Variants in ANXA7 observed in about 807,000 individuals in gnomAD.
ANXA7 encodes the protein annexin VII.
Under a neutral mutation model 64.9 loss-of-function variants are expected in ANXA7, and 55 were observed. That is an observed-to-expected ratio of 0.85 (90% confidence interval 0.68 to 1.06). The LOEUF is 1.06. Ranked by LOEUF, ANXA7 falls within the 50% of genes least tolerant of loss-of-function variation. The pLI is 0.00. For synonymous variants in ANXA7, 200 were observed against 192.4 expected, an observed-to-expected ratio of 1.04 and a Z score of -0.33; for missense variants, 548 against 582.1, an observed-to-expected ratio of 0.94 and a Z score of 0.60.
chr10:73,407,657 A>C (rs2055779483), intron 1 of ANXA7, among the ~76,000 whole-genome samples: 1 of 152,236 alleles, frequency 6.6e-6, no homozygotes, highest in Non-Finnish European at 1.5e-5. Flanking sequence ...AACCCAACTC[A>C]AGTCAACATT....
At position 73,397,267 on chromosome 10, in the gene ANXA7, T is replaced by G; in HGVS notation, c.267A>C (p.Pro89=). ...CTGGTGGGACTCCAAATCCTTGGCC[T>G]GGAGGAACTAGAGAAAAGAACATGT... ...GGAPSYPGVP[P]GQGFGVPPGG... The change falls in exon 4 of 13, where the codon CCA becomes CCC. Residue 89 remains proline, a synonymous_variant. Coordinates refer to ENST00000372921, the MANE Select transcript of ANXA7 (RefSeq NM_001156.5). 1 of 1,608,702 alleles carries G rather than the reference T, an allele frequency of 6.2e-7. No individual in the cohort carries two copies. The highest frequency in any genetic ancestry group is 8.5e-7 in the Non-Finnish European group (1 of 1,176,112).
In ANXA7 at chr10:73,397,191, C is replaced by G. The variant is rs1179542011; in HGVS notation, c.343G>C (p.Gly115Arg). Residue 115 changes from glycine to arginine, a missense_variant, in exon 4 of 13, where the codon GGT (glycine) becomes CGT (arginine). Transcript: ENST00000372921. ...GGTAGTGGAACCTGTGCTGGACCAC[C>G]TCCATAAGACTGTGAAGGTGGCTGT... Reference protein sequence around the residue: ...YPQPPSQSYGGGPAQVPLPGG... With the variant: ...YPQPPSQSYGRGPAQVPLPGG... 3.1e-6 allele frequency: 5 copies of G among 1,608,632 alleles called. No individual in the cohort carries two copies. The highest frequency in any genetic ancestry group is 3.4e-6 in the Non-Finnish European group (4 of 1,176,994).
chr10:73,404,348 G>A (rs1171698953), intron 1 of ANXA7, among the ~76,000 whole-genome samples: 1 of 152,062 alleles, frequency 6.6e-6, no homozygotes, highest in African/African-American at 2.4e-5. Flanking sequence ...TTCTTCAAAA[G>A]GTGCTCATTT....
intron 9 of ANXA7, among the ~76,000 whole-genome samples, chr10:73,380,640 G>C (rs1399799940): frequency 6.6e-6 from 1 of 151,994 alleles, no homozygotes; most frequent in Non-Finnish European, 1.5e-5. Flanking sequence ...TTCTATGCAT[G>C]GAAATATAAC....
intron 5 of ANXA7, among the ~76,000 whole-genome samples, chr10:73,395,127 TAA>T (rs1356665983): frequency 6.6e-6 from 1 of 152,218 alleles, no homozygotes; most frequent in Non-Finnish European, 1.5e-5. Context: ...CAACTTTGTA[TAA>T]GAGAGAGACC....
chr10:73,388,144 G>C (rs1053832410), intron 6 of ANXA7, among the ~76,000 whole-genome samples, 168 bp downstream of exon 6: 1 of 152,106 alleles, frequency 6.6e-6, no homozygotes, highest in Admixed American at 6.6e-5. Flanking sequence ...ACCACACCCA[G>C]CCTGAGGTCA....
intron 3 of ANXA7, 120 bp from the exon 4 acceptor site, chr10:73,397,394 C>G (rs761247037): frequency 8.9e-6 from 4 of 451,136 alleles, no homozygotes; most frequent in African/African-American, 6.1e-5. Context: ...AATAGCAGTC[C>G]CTGTTTATCT....
chr10:73,396,613 C>T lies in ANXA7; in HGVS notation c.371-30G>A, dbSNP rs374543333. 118 of 1,413,892 alleles carry T rather than the reference C, an allele frequency of 8.3e-5. No individual in the cohort carries two copies. In the African/African-American group the frequency reaches 1.2e-3, roughly 15 times the overall value. 87.6% of individuals were successfully genotyped at this position (1,413,892 alleles called of 1,614,324 possible). A position where few individuals can be genotyped will look rare whatever the true frequency, so the allele number is the denominator to read the frequency against. ...AATGTTAAAAAAAATAATAATAATA[C>T]GGCAACAGGTCTTACATGTTTTAAT... On this transcript the variant is annotated intron_variant, in intron 4 of 12. Coordinates refer to ENST00000372921, the MANE Select transcript of ANXA7 (RefSeq NM_001156.5).
Position 73,376,074 on chromosome 10 carries a change from T to C in ANXA7, c.*21A>G. 1 of 1,512,834 alleles carries C rather than the reference T, an allele frequency of 6.6e-7. No individual in the cohort carries two copies. Among genetic ancestry groups the C allele is most frequent in the Non-Finnish European group, 8.8e-7 (1 of 1,135,920 alleles). The allele number at this position is 1,512,834 out of a possible 1,614,324, so 93.7% of individuals were successfully genotyped here. Reference sequence around the variant, plus strand: ...AGCTATGAATAGAAATTTTTTTTCATTAAAAAAAAAAAAATCCCTCCTACT... The same window carrying C: ...AGCTATGAATAGAAATTTTTTTTCACTAAAAAAAAAAAAATCCCTCCTACT... On this transcript the variant is annotated 3_prime_UTR_variant, in exon 13 of 13. Coordinates refer to ENST00000372921, the MANE Select transcript of ANXA7 (RefSeq NM_001156.5).
rs1407435228 is a variant in ANXA7 at position 73,403,271 on chromosome 10, T to C, written c.-1-2414A>G. Among the ~76,000 whole-genome samples the C allele has an allele frequency of 2.6e-5, 4 of 152,314 alleles. No homozygotes were observed. In the East Asian group the frequency reaches 7.7e-4, roughly 29 times the overall value. On this transcript the variant is annotated intron_variant, in intron 1 of 12. Coordinates refer to ENST00000372921, the MANE Select transcript of ANXA7 (RefSeq NM_001156.5). ...TGGAAGGCTGAGGCAGTAGAATCTC[T>C]TGCAGCCAGAAGTTTGAGATCAGCC...
intron 5 of ANXA7, among the ~76,000 whole-genome samples, chr10:73,395,406 G>A (rs1237128369): frequency 6.6e-6 from 1 of 152,172 alleles, no homozygotes; most frequent in Non-Finnish European, 1.5e-5. Context: ...TAAGCATCAA[G>A]TATACTGCTT....
At chr10:73,388,035 A>C (rs2055406950) in intron 6 of ANXA7, among the ~76,000 whole-genome samples, 1 of 151,860 alleles carries the variant, frequency 6.6e-6, no homozygotes, top group Admixed American at 6.6e-5. Context: ...TTTTATTTTT[A>C]GTACAGATGG....
chr10:73,380,549 T>C (rs1186832035), intron 9 of ANXA7, among the ~76,000 whole-genome samples: 1 of 152,114 alleles, frequency 6.6e-6, no homozygotes, highest in Non-Finnish European at 1.5e-5. Flanking sequence ...GCTGGGATTA[T>C]AGATGTAAGC....
chr10:73,393,614 T>C (rs1011764894), intron 5 of ANXA7, among the ~76,000 whole-genome samples: 2 of 152,140 alleles, frequency 1.3e-5, no homozygotes, highest in South Asian at 2.1e-4. Context: ...GGGGAAAGGA[T>C]TCCCTATTTA....
intron 2 of ANXA7, among the ~76,000 whole-genome samples, chr10:73,400,399 A>G (rs1313391033): frequency 6.6e-6 from 1 of 152,216 alleles, no homozygotes; most frequent in Non-Finnish European, 1.5e-5. Flanking sequence ...AAAAAAAAGA[A>G]AAAGAACCAG....
At chr10:73,384,651 T>C (rs921789849) in intron 7 of ANXA7, among the ~76,000 whole-genome samples, 11 of 152,106 alleles carry the variant, frequency 7.2e-5, no homozygotes, top group Non-Finnish European at 1.5e-4. Flanking sequence ...TACACCCGCC[T>C]TGGCCTCCCG....
Position 73,383,652 on chromosome 10 carries a change from A to C in ANXA7, c.672T>G (p.Asn224Lys), listed in dbSNP as rs754661103. The change falls in exon 8 of 13, where the codon AAT (asparagine) becomes AAG (lysine). Residue 224 changes from asparagine to lysine, a missense_variant. Coordinates refer to ENST00000372921, the MANE Select transcript of ANXA7 (RefSeq NM_001156.5). ...AGAGGGCCAGGATCAGTTCTTCCAT[A>C]TTTCCACTTAACTCTGATTTGAGAT... ...IKDLKSELSG[N>K]MEELILALFM... 1 of 1,613,542 alleles carries C rather than the reference A, an allele frequency of 6.2e-7. No homozygotes were observed. The highest frequency in any genetic ancestry group is 8.5e-7 in the Non-Finnish European group (1 of 1,179,520).
At position 73,398,254 on chromosome 10, in the gene ANXA7, C is replaced by T. The variant is rs375225097; in HGVS notation, c.186G>A (p.Ala62=). 14 of 1,613,976 alleles carry T rather than the reference C, an allele frequency of 8.7e-6. No homozygotes were observed. Among genetic ancestry groups the T allele is most frequent in the African/African-American group, 5.3e-5 (4 of 75,024 alleles). ...SGYPGAGGYP[A]PGGYPAPGGY... ...CTCCAGGGGCTGGATAACCTCCAGG[C>T]GCAGGGTAGCCTCCAGCTCCTGGGT... The change falls in exon 3 of 13, where the codon GCG becomes GCA. Residue 62 remains alanine, a synonymous_variant. Coordinates refer to ENST00000372921, the MANE Select transcript of ANXA7 (RefSeq NM_001156.5).
chr10:73,380,508 A>G lies in ANXA7; in HGVS notation c.919-307T>C, dbSNP rs2055259135. On this transcript the variant is annotated intron_variant, in intron 9 of 12. Transcript: ENST00000372921. ...GTGCTGGTCTCTAACTCCTGGGCTT[A>G]AGTGATCCTCCTGCCTTAGCCTCCT... Among the ~76,000 whole-genome samples the G allele has an allele frequency of 2.0e-5, 3 of 152,104 alleles. No homozygotes were observed. The South Asian group carries it at 6.2e-4, about 32-fold the overall frequency.
Sources: gnomAD v4.1 joint callset for allele counts (sites outside exome capture counted in the v4.1 genomes callset) on GRCh38, gnomAD v4.1.1 for gene constraint, MANE v1.5 for transcripts, NCBI Gene and HGNC (gene_info 2026-07-23, HGNC 2026-07-21) for gene names.